Variants in ZNF532 observed in about 807,000 individuals in gnomAD.
The protein encoded by ZNF532 is zinc finger protein 532.
ZNF532 carries 22 observed loss-of-function variants against 89.3 expected under a neutral mutation model. That is an observed-to-expected ratio of 0.25 (90% confidence interval 0.18 to 0.35). The LOEUF is 0.35. ZNF532 is among the 10% of genes least tolerant of loss of function. The pLI is 1.00. For synonymous variants in ZNF532, 606 were observed against 649.6 expected, an observed-to-expected ratio of 0.93 and a Z score of 1.02; for missense variants, 1,132 against 1,643.4, an observed-to-expected ratio of 0.69 and a Z score of 5.38.
intron 2 of ZNF532, among the ~76,000 whole-genome samples, chr18:58,911,073 G>C (rs949973496): frequency 5.3e-5 from 8 of 152,182 alleles, no homozygotes; most frequent in African/African-American, 1.9e-4. Context: ...GGTTTTGAGA[G>C]AGTGGATTGT....
Position 58,934,442 on chromosome 18 carries a change from A to G in ZNF532, c.2356A>G (p.Thr786Ala), listed in dbSNP as rs969131476. Residue 786 changes from threonine to alanine, a missense_variant, in exon 4 of 10, where the codon ACT becomes GCT. By Grantham distance (58) the Thr-to-Ala change is moderately conservative. Coordinates refer to ENST00000591808, the MANE Select transcript of ZNF532 (RefSeq NM_001375912.1). ...AADTSGQKTC[T>A]ICQMLLPNQC... ...CCTTTGGTTTGTTTAGAAGACTTGC[A>G]CTATCTGCCAGATGCTGCTTCCTAA... 1.9e-6 allele frequency: 3 copies of G among 1,613,750 alleles called. No homozygotes were observed. Among genetic ancestry groups the G allele is most frequent in the Admixed American group, 1.7e-5 (1 of 60,008 alleles).
chr18:58,887,982 C>A, intron 2 of ZNF532, among the ~76,000 whole-genome samples: 1 of 152,148 alleles, frequency 6.6e-6, no homozygotes, highest in East Asian at 1.9e-4. Flanking sequence ...TAGAGCTTTG[C>A]GTTCATAAAT....
chr18:58,881,458 T>C (rs1301333215), intron 2 of ZNF532, among the ~76,000 whole-genome samples: 1 of 152,218 alleles, frequency 6.6e-6, no homozygotes, highest in African/African-American at 2.4e-5. Context: ...AAGACCTTGC[T>C]GGGTTGTGTG....
chr18:58,948,354 C>A, intron 6 of ZNF532, 125 bp downstream of exon 6: 2 of 964,868 alleles, frequency 2.1e-6, no homozygotes, highest in South Asian at 1.8e-5. Flanking sequence ...GGATGCTGGT[C>A]GTTGTCAGTG....
At chr18:58,872,225 GTTA>G (rs140058108) in intron 2 of ZNF532, among the ~76,000 whole-genome samples, 10,275 of 152,182 alleles carry the variant, frequency 0.068, 608 homozygotes, top group East Asian at 0.16. Flanking sequence ...TTTTCAGTCA[GTTA>G]TTATTACAGC....
At chr18:58,911,724 G>A (rs11665657) in intron 2 of ZNF532, among the ~76,000 whole-genome samples, 8,117 of 152,264 alleles carry the variant, frequency 0.053, 315 homozygotes, top group Non-Finnish European at 0.082. Flanking sequence ...CTCTTGGCAG[G>A]ATGGGAGTTA....
chr18:58,944,138 C>T (rs1000357688), intron 5 of ZNF532, among the ~76,000 whole-genome samples: 10 of 152,040 alleles, frequency 6.6e-5, no homozygotes, highest in Admixed American at 1.3e-4. Flanking sequence ...GTGTATGACG[C>T]GGAGGGTGGT....
chr18:58,920,970 G>A (rs565926955), intron 3 of ZNF532, among the ~76,000 whole-genome samples: 2 of 152,050 alleles, frequency 1.3e-5, no homozygotes, highest in East Asian at 1.9e-4. Flanking sequence ...TGCCTGTTGC[G>A]CCAGCTATAT....
At chr18:58,895,786 A>C (rs1393712259) in intron 2 of ZNF532, among the ~76,000 whole-genome samples, 1 of 151,940 alleles carries the variant, frequency 6.6e-6, no homozygotes, top group Non-Finnish European at 1.5e-5. Context: ...CATTTCCCTA[A>C]AGGTGTCATA....
chr18:58,944,814 A>G (rs1332486978), intron 5 of ZNF532, among the ~76,000 whole-genome samples: 1 of 152,162 alleles, frequency 6.6e-6, no homozygotes, highest in Non-Finnish European at 1.5e-5. Context: ...GAGAGAACGC[A>G]TGCATCTTTG....
At chr18:58,975,173 T>G in intron 7 of ZNF532, among the ~76,000 whole-genome samples, 1 of 152,148 alleles carries the variant, frequency 6.6e-6, no homozygotes, top group East Asian at 1.9e-4. Flanking sequence ...GGTTTTTCCT[T>G]TTTCATAAAA....
At chr18:58,913,466 T>G (rs970126946) in intron 2 of ZNF532, among the ~76,000 whole-genome samples, 8 of 152,092 alleles carry the variant, frequency 5.3e-5, no homozygotes, top group Middle Eastern at 3.2e-3. Context: ...ATTATTTTTT[T>G]GGGGCCAGGC....
rs374524248 is a variant in ZNF532 at position 58,979,159 on chromosome 18, C to T, written c.3255C>T (p.Tyr1085=). The change falls in exon 8 of 10, where the codon TAC becomes TAT. Residue 1085 remains tyrosine, a synonymous_variant. Transcript: ENST00000591808. ...RIKHKGIRKV[Y]ACSHCPDSRR... ...AGCACAAAGGCATCAGGAAAGTGTA[C>T]GCCTGCTCGTAAGTCCTGGTTTCTA... The T allele has an allele frequency of 1.8e-4, 291 of 1,610,476 alleles. No individual in the cohort carries two copies. The East Asian group carries it at 2.0e-3, about 11-fold the overall frequency.
In ZNF532 at chr18:58,953,626, G is replaced by T. The variant is rs1399801317; in HGVS notation, c.2977G>T (p.Asp993Tyr). The T allele has an allele frequency of 6.2e-7, 1 of 1,613,942 alleles. No homozygotes were observed. The highest frequency in any genetic ancestry group is 8.5e-7 in the Non-Finnish European group (1 of 1,179,842). ...TQNSANQNKE[D>Y]TKSMNGKEKL... ...AAATTCAGCAAATCAGAACAAAGAGGACACCAAATCCATGAATGGGAAAGA... is the reference window on the plus strand; with the variant it reads ...AAATTCAGCAAATCAGAACAAAGAGTACACCAAATCCATGAATGGGAAAGA... The change falls in exon 7 of 10, where the codon GAC becomes TAC. Residue 993 changes from aspartate (D) to tyrosine (Y), a missense_variant. This residue lies in a region of ZNF532 where 415 missense variants were observed against 604.8 expected (regional missense o/e 0.69). Transcript: ENST00000591808.
chr18:58,964,559 GTGTGT>G (rs2065719618), intron 7 of ZNF532, among the ~76,000 whole-genome samples: 1 of 150,792 alleles, frequency 6.6e-6, no homozygotes, highest in African/African-American at 2.4e-5. Flanking sequence ...GTGTGTGTGT[GTGTGT>G]GTGTGTGTGT....
intron 2 of ZNF532, among the ~76,000 whole-genome samples, chr18:58,889,184 C>T (rs916737218): frequency 6.6e-6 from 1 of 151,636 alleles, no homozygotes; most frequent in Non-Finnish European, 1.5e-5. Flanking sequence ...GATTTTCTTT[C>T]TCTCTCTTTT....
intron 7 of ZNF532, among the ~76,000 whole-genome samples, chr18:58,966,394 T>C (rs1603307923): frequency 6.6e-6 from 1 of 152,348 alleles, no homozygotes; most frequent in East Asian, 1.9e-4. Context: ...TTCTAAATTA[T>C]ATTTTATAAC....
In ZNF532 at chr18:58,948,236, G is replaced by A. The variant is rs762616362; in HGVS notation, c.2868+7G>A. ...TATGATGGACCATATCAAGGTGTGT[G>A]TGCATCTATCCTCTACTTTAAATGA... On this transcript the variant is annotated splice_region_variant and intron_variant, in intron 6 of 9. Transcript: ENST00000591808. 18 of 1,604,142 alleles carry A rather than the reference G, an allele frequency of 1.1e-5. No individual in the cohort carries two copies. The highest frequency in any genetic ancestry group is 1.5e-5 in the Non-Finnish European group (18 of 1,175,418).
At chr18:58,888,817 ATATATATAAAT>A (rs1348027635) in intron 2 of ZNF532, among the ~76,000 whole-genome samples, 1,305 of 23,030 alleles carry the variant, frequency 0.057, 118 homozygotes, top group East Asian at 0.21. Context: ...ATAAAAAATT[ATATATATAAAT>A]TATATATATA....
Sources: allele counts gnomAD v4.1 joint callset (sites outside exome capture counted in the v4.1 genomes callset), GRCh38; gene constraint gnomAD v4.1.1; regional missense constraint gnomAD v4.1.1; transcripts MANE v1.5; gene names NCBI Gene and HGNC (gene_info 2026-07-23, HGNC 2026-07-21).